TGFB3: variants seen among roughly 807,000 people sequenced by gnomAD.
TGFB3 encodes transforming growth factor beta 3, also known as transforming growth factor beta-3 proprotein.
In TGFB3, 5 loss-of-function variants were observed where a neutral mutation model predicts 40.1. The observed-to-expected ratio is 0.12, with a 90% CI of 0.07 to 0.26. The LOEUF (loss-of-function observed/expected upper bound fraction) is 0.26. TGFB3 is among the 10% of genes least tolerant of loss of function. The pLI is 1.00. For synonymous variants in TGFB3, 184 were observed against 205.6 expected (o/e 0.89, Z 0.90); for missense variants, 373 against 530.1 (o/e 0.70, Z 2.91).
In TGFB3 at chr14:75,971,083, C is replaced by G. The variant is rs765536712; in HGVS notation, c.646+43G>C. The G allele has an allele frequency of 4.3e-6, 7 of 1,611,360 alleles. No homozygotes were observed. In the African/African-American group the frequency reaches 8.0e-5, roughly 18 times the overall value. ...CTCCATTTCATGGAGGACTAAGGGA[C>G]CTGAGGTTCATTCTGAAATGCTTAT... On this transcript the variant is annotated intron_variant, in intron 3 of 6. Coordinates refer to ENST00000238682, the MANE Select transcript of TGFB3 (RefSeq NM_003239.5). This position sits in a 1 kb window ranked among gnomAD's most constrained non-coding sequence, Gnocchi z 4.5.
At chr14:75,963,862 G>A (rs74760501) in intron 4 of TGFB3, among the ~76,000 whole-genome samples, 213 of 149,728 alleles carry the variant, frequency 1.4e-3, no homozygotes, top group African/African-American at 5.2e-3. Flanking sequence ...TCTCCGGGTT[G>A]TCGGCTTGTT....
Position 75,971,615 on chromosome 14 carries a change from C to A in TGFB3, c.456G>T (p.Arg152=). 3 of 1,614,234 alleles carry A rather than the reference C, an allele frequency of 1.9e-6. No homozygotes were observed. Among genetic ancestry groups the A allele is most frequent in the Non-Finnish European group, 2.5e-6 (3 of 1,180,044 alleles). ...AGCTGGGGTTGGGCACCCGCAAGAC[C>A]CGGAATTCTGCTCGGAATAGGTTGG... The part of the protein sequence containing the change: ...NRTNLFRAEF[R]VLRVPNPSSK... The change falls in exon 2 of 7, where the codon CGG becomes CGT. Residue 152 remains arginine, a synonymous_variant. Transcript: ENST00000238682. This position sits in a 1 kb window ranked among gnomAD's most constrained non-coding sequence, Gnocchi z 4.5.
intron 1 of TGFB3, among the ~76,000 whole-genome samples, chr14:75,975,316 C>T (rs969036610): frequency 6.6e-6 from 1 of 151,780 alleles, no homozygotes; most frequent in African/African-American, 2.4e-5. Flanking sequence ...TACAGTGAGC[C>T]GAGATTGCAC....
chr14:75,962,341 C>G (rs775162071), intron 5 of TGFB3, among the ~76,000 whole-genome samples: 1 of 152,218 alleles, frequency 6.6e-6, no homozygotes, highest in Non-Finnish European at 1.5e-5. Flanking sequence ...ACATGCCAGC[C>G]TTTGTGGCAA....
chr14:75,964,921 G>A (rs2035203581), intron 4 of TGFB3, among the ~76,000 whole-genome samples: 3 of 152,206 alleles, frequency 2.0e-5, no homozygotes, highest in Admixed American at 6.5e-5. Flanking sequence ...CAGGCGTTCC[G>A]CAGTTACCCA....
Position 75,980,505 on chromosome 14 carries a change from C to T in TGFB3, c.352+37G>A, listed in dbSNP as rs1566686776. 6.2e-7 allele frequency: 1 copy of T among 1,605,700 alleles called. No homozygotes were observed. Among genetic ancestry groups the T allele is most frequent in the Non-Finnish European group, 8.5e-7 (1 of 1,172,360 alleles). ...AGAGCTCCCAGCTCCAGTTCAGACC[C>T]TCCAGAGCAGACACCCCAGCGAGAA... On this transcript the variant is annotated intron_variant, in intron 1 of 6. Coordinates refer to ENST00000238682, the MANE Select transcript of TGFB3 (RefSeq NM_003239.5). This position sits in a 1 kb window ranked among gnomAD's most constrained non-coding sequence, Gnocchi z 4.3.
intron 1 of TGFB3, among the ~76,000 whole-genome samples, chr14:75,977,586 T>C (rs1164596411): frequency 6.6e-6 from 1 of 151,016 alleles, no homozygotes; most frequent in East Asian, 2.0e-4. Flanking sequence ...TGCTTGAGAC[T>C]CTTCATTAAA....
At position 75,980,310 on chromosome 14, in the gene TGFB3, A is replaced by G. The variant is rs775781432; in HGVS notation, c.352+232T>C. 2.8e-4 allele frequency among the ~76,000 whole-genome samples: 42 copies of G among 152,252 alleles called. No individual in the cohort carries two copies. The highest frequency in any genetic ancestry group is 5.9e-5 in the Non-Finnish European group (4 of 68,036). On this transcript the variant is annotated intron_variant, in intron 1 of 6. Transcript: ENST00000238682. The surrounding 1 kb of genome is among the most constrained non-coding windows in gnomAD (Gnocchi z 4.3). ...GTGATGTGAATTCAGCAAGCCACTC[A>G]GCTCCAGGGCTCCTGGCCTCCCAGA... is the stretch of plus-strand genomic sequence containing the variant.
rs774422953 is a variant in TGFB3, at chr14:75,981,324, AAAG to A, written c.-434_-432del. On this transcript the variant is annotated 5_prime_UTR_variant, in exon 1 of 7. Coordinates refer to ENST00000238682, the MANE Select transcript of TGFB3 (RefSeq NM_003239.5). The surrounding 1 kb of genome is among the most constrained non-coding windows in gnomAD (Gnocchi z 4.7). ...GCGATGGGGAGAAAGTGGGTATTTT[AAAG>A]AAGAAGCAGAAGGACCATGGCTGGG... The A allele has an allele frequency of 2.4e-4, 49 of 207,262 alleles. No homozygotes were observed. The highest frequency in any genetic ancestry group is 4.0e-4 in the Non-Finnish European group (40 of 100,266). 12.8% of individuals were successfully genotyped at this position (207,262 alleles called of 1,614,324 possible). A position where few individuals can be genotyped will look rare whatever the true frequency, so the allele number is the denominator to read the frequency against.
At chr14:75,974,509 C>A (rs1458888041) in intron 1 of TGFB3, among the ~76,000 whole-genome samples, 1 of 151,900 alleles carries the variant, frequency 6.6e-6, no homozygotes, top group Non-Finnish European at 1.5e-5. Context: ...CTGACACAAG[C>A]AACTTGACAC....
intron 1 of TGFB3, among the ~76,000 whole-genome samples, chr14:75,975,574 AC>A (rs1407910838): frequency 6.6e-6 from 1 of 152,192 alleles, no homozygotes; most frequent in Non-Finnish European, 1.5e-5. Context: ...CCTTCTAACA[AC>A]CCCTGAGAAG....
chr14:75,961,934 G>A (rs1302514045), intron 5 of TGFB3, among the ~76,000 whole-genome samples: 2 of 152,158 alleles, frequency 1.3e-5, no homozygotes, highest in African/African-American at 4.8e-5. Flanking sequence ...GAAGTATGCA[G>A]GGGGTAAGGG....
In TGFB3 at chr14:75,981,291, G is replaced by A; in HGVS notation, c.-398C>T. ...GAGTGGATATCTGATATTGCCAAAC[G>A]CCGCTTGGCGATGGGGAGAAAGTGG... On this transcript the variant is annotated 5_prime_UTR_variant, in exon 1 of 7. Transcript: ENST00000238682. The surrounding 1 kb of genome is among the most constrained non-coding windows in gnomAD (Gnocchi z 4.7). 1 of 248,362 alleles carries A rather than the reference G, an allele frequency of 4.0e-6. No individual in the cohort carries two copies. The highest frequency in any genetic ancestry group is 5.6e-5 in the South Asian group (1 of 17,730). 15.4% of individuals were successfully genotyped at this position (248,362 alleles called of 1,614,324 possible).
At chr14:75,961,174 AT>A in intron 5 of TGFB3, 98 bp from the exon 6 acceptor site, 3 of 1,407,972 alleles carry the variant, frequency 2.1e-6, no homozygotes, top group Non-Finnish European at 2.9e-6. Context: ...CTTTCATGCC[AT>A]CATAGGTGGC....
intron 6 of TGFB3, among the ~76,000 whole-genome samples, chr14:75,959,931 CTTTT>C (rs71122509): frequency 6.2e-5 from 2 of 32,002 alleles, no homozygotes; most frequent in Admixed American, 5.2e-4. Context: ...ATTATCTTGG[CTTTT>C]TTTTTTTTTT....
At chr14:75,963,200 G>C in intron 5 of TGFB3, 116 bp downstream of exon 5, 2 of 1,160,730 alleles carry the variant, frequency 1.7e-6, no homozygotes, top group Non-Finnish European at 2.6e-6. Context: ...TCCTGGAGAT[G>C]TTTGTGAATA....
chr14:75,964,512 T>C (rs1311444588), intron 4 of TGFB3, among the ~76,000 whole-genome samples: 2 of 152,170 alleles, frequency 1.3e-5, no homozygotes, highest in Non-Finnish European at 2.9e-5. Context: ...GAGTCTCAAC[T>C]AAATGGAGAT....
At chr14:75,969,049 T>A (rs1337990494) in intron 3 of TGFB3, among the ~76,000 whole-genome samples, 1 of 152,114 alleles carries the variant, frequency 6.6e-6, no homozygotes, top group Non-Finnish European at 1.5e-5. Context: ...TATCAGGAAA[T>A]CTTTCGATTT....
At chr14:75,982,588 T>C (rs1236130203), upstream of TGFB3, among the ~76,000 whole-genome samples, 1 of 151,166 alleles carries the variant, frequency 6.6e-6, no homozygotes, top group African/African-American at 2.4e-5. This position sits in a 1 kb window ranked among gnomAD's most constrained non-coding sequence, Gnocchi z 4.0. Flanking sequence ...GGTGGCGTTT[T>C]CCGGAAGATC....
Sources: gnomAD v4.1 joint callset for allele counts (sites outside exome capture counted in the v4.1 genomes callset) on GRCh38, gnomAD v4.1.1 for gene constraint, Gnocchi (gnomAD v3.1) non-coding constraint, MANE v1.5 for transcripts, NCBI Gene and HGNC (gene_info 2026-07-23, HGNC 2026-07-21) for gene names.